The following CTNNA3 variants were observed in gnomAD, a reference collection of about 807,000 sequenced individuals.
The protein encoded by CTNNA3 is catenin alpha-3.
Under a neutral mutation model 95.7 loss-of-function variants are expected in CTNNA3, and 76 were observed. That is an observed-to-expected ratio of 0.79 (90% CI 0.66 to 0.96). The LOEUF (loss-of-function observed/expected upper bound fraction) is 0.96. CTNNA3 is among the 40% of genes least tolerant of loss of function. The pLI is 0.00. For synonymous variants in CTNNA3, 431 were observed against 374.4 expected, an observed-to-expected ratio of 1.15 and a Z score of -1.74; for missense variants, 1,191 against 1,089.8, an observed-to-expected ratio of 1.09 and a Z score of -1.31.
At chr10:67,159,123 A>G (rs981485471) in intron 7 of CTNNA3, among the ~76,000 whole-genome samples, 2 of 152,228 alleles carry the variant, frequency 1.3e-5, no homozygotes, top group African/African-American at 4.8e-5. Flanking sequence ...GACATTGTAT[A>G]GAACAACACT....
chr10:66,511,037 G>T (rs1021933068), intron 11 of CTNNA3, among the ~76,000 whole-genome samples: 1 of 151,518 alleles, frequency 6.6e-6, no homozygotes, highest in African/African-American at 2.4e-5. Context: ...TTTTTTGAGA[G>T]ACTTTTTGTT....
intron 7 of CTNNA3, among the ~76,000 whole-genome samples, chr10:66,939,605 T>C (rs1049364873): frequency 7.9e-5 from 12 of 152,226 alleles, no homozygotes; most frequent in African/African-American, 2.9e-4. Context: ...ATATTTTAAG[T>C]TGCATTTTAA....
At chr10:66,003,958 C>A (rs1043354256) in intron 15 of CTNNA3, among the ~76,000 whole-genome samples, 2 of 152,198 alleles carry the variant, frequency 1.3e-5, no homozygotes, top group African/African-American at 2.4e-5. Flanking sequence ...GCTTCGCATG[C>A]CCACTCTGTT....
chr10:66,935,450 T>A (rs1847643256), intron 7 of CTNNA3, among the ~76,000 whole-genome samples: 2 of 152,038 alleles, frequency 1.3e-5, no homozygotes, highest in African/African-American at 4.8e-5. Flanking sequence ...CCTAATGTAT[T>A]CAAAATTTTA....
intron 4 of CTNNA3, among the ~76,000 whole-genome samples, chr10:67,522,856 T>A (rs1292661939): frequency 6.6e-6 from 1 of 152,148 alleles, no homozygotes; most frequent in Non-Finnish European, 1.5e-5. Flanking sequence ...TGCAAGACAT[T>A]TGCATTTGCT....
intron 6 of CTNNA3, among the ~76,000 whole-genome samples, chr10:67,184,647 C>T (rs914003346): frequency 1.3e-5 from 2 of 152,186 alleles, no homozygotes; most frequent in Admixed American, 1.3e-4. Context: ...GATGTTCTGC[C>T]ACCTTGAGCT....
chr10:66,239,431 T>G (rs1161411908), intron 13 of CTNNA3, among the ~76,000 whole-genome samples: 1 of 151,976 alleles, frequency 6.6e-6, no homozygotes, highest in Non-Finnish European at 1.5e-5. Context: ...GGGTAGACTG[T>G]TCACTTTTGC....
chr10:66,954,332 T>G (rs1235458382), intron 7 of CTNNA3, among the ~76,000 whole-genome samples: 1 of 152,158 alleles, frequency 6.6e-6, no homozygotes, highest in Non-Finnish European at 1.5e-5. Context: ...TAAACTAATT[T>G]AAAAATCAAG....
At chr10:66,800,988 T>A (rs1214809621) in intron 7 of CTNNA3, among the ~76,000 whole-genome samples, 3 of 151,178 alleles carry the variant, frequency 2.0e-5, no homozygotes, top group Non-Finnish European at 4.4e-5. Flanking sequence ...CAAAAAAAAA[T>A]TCCAGACTTA....
At chr10:66,503,826 G>A (rs1335274285) in intron 11 of CTNNA3, among the ~76,000 whole-genome samples, 4 of 152,028 alleles carry the variant, frequency 2.6e-5, no homozygotes. Context: ...CTATCTTCCT[G>A]TCAAATCTAT....
At chr10:66,488,162 A>C (rs1839803205) in intron 11 of CTNNA3, among the ~76,000 whole-genome samples, 1 of 152,236 alleles carries the variant, frequency 6.6e-6, no homozygotes, top group African/African-American at 2.4e-5. Context: ...AAATTGACAA[A>C]TTCACAGATC....
chr10:65,982,484 T>C (rs1360349274), intron 16 of CTNNA3, among the ~76,000 whole-genome samples: 2 of 151,176 alleles, frequency 1.3e-5, no homozygotes, highest in Non-Finnish European at 3.0e-5. Context: ...TCATCTGATC[T>C]AGTAACCCCA....
intron 9 of CTNNA3, among the ~76,000 whole-genome samples, chr10:66,671,335 T>C (rs1041153858): frequency 6.6e-6 from 1 of 152,090 alleles, no homozygotes; most frequent in South Asian, 2.1e-4. Context: ...ATTGAAATCA[T>C]TTTTTTAATA....
At position 65,970,087 on chromosome 10, in the gene CTNNA3, T is replaced by C. The variant is rs1435633573; in HGVS notation, c.2266-3341A>G. Among the ~76,000 whole-genome samples the C allele has an allele frequency of 3.3e-5, 5 of 152,146 alleles. No individual in the cohort carries two copies. In the East Asian group the frequency reaches 9.6e-4, roughly 29 times the overall value. Reference sequence around the variant, plus strand: ...AAAAGCAGACTTCTCTACATAAACCTTATTTATAAGCCGAGACAGATTGGA... The same window carrying C: ...AAAAGCAGACTTCTCTACATAAACCCTATTTATAAGCCGAGACAGATTGGA... On this transcript the variant is annotated intron_variant, in intron 16 of 17. Transcript: ENST00000433211.
At chr10:66,459,893 T>G (rs963252622) in intron 11 of CTNNA3, among the ~76,000 whole-genome samples, 6 of 152,186 alleles carry the variant, frequency 3.9e-5, no homozygotes, top group African/African-American at 1.4e-4. Context: ...TAGTAATTAT[T>G]TATTTATTTT....
At chr10:67,334,775 T>C (rs900682652) in intron 5 of CTNNA3, 1 of 153,672 alleles carries the variant, frequency 6.5e-6, no homozygotes, top group African/African-American at 2.4e-5. Flanking sequence ...CAAGGTTAGA[T>C]ATAATGAGAT....
chr10:65,982,614 T>C (rs907650237), intron 16 of CTNNA3, among the ~76,000 whole-genome samples: 17 of 150,810 alleles, frequency 1.1e-4, no homozygotes, highest in African/African-American at 4.1e-4. Context: ...TGCCCATCAA[T>C]CAATGAATGA....
intron 9 of CTNNA3, among the ~76,000 whole-genome samples, chr10:66,642,571 T>TGGGC (rs1845558205): frequency 1.3e-5 from 2 of 152,162 alleles, no homozygotes; most frequent in Admixed American, 6.6e-5. Flanking sequence ...CCTGTGTGTT[T>TGGGC]ACCAGAGCTT....
chr10:67,521,651 A>T (rs973200585), intron 5 of CTNNA3, among the ~76,000 whole-genome samples, 191 bp downstream of exon 5: 2 of 152,186 alleles, frequency 1.3e-5, no homozygotes, highest in African/African-American at 4.8e-5. Context: ...TAAAGTACAC[A>T]TCTAAAAGCA....
Sources: gnomAD v4.1 joint callset for allele counts (sites outside exome capture counted in the v4.1 genomes callset) on GRCh38, gnomAD v4.1.1 for gene constraint, MANE v1.5 for transcripts, NCBI Gene and HGNC (gene_info 2026-07-23, HGNC 2026-07-21) for gene names.